The following LY9 variants were observed in gnomAD, a reference collection of about 807,000 sequenced individuals.
LY9 encodes T-lymphocyte surface antigen Ly-9.
A neutral mutation model predicts 64.6 loss-of-function variants in LY9; 59 were observed. The observed-to-expected ratio is 0.91, with a 90% CI of 0.74 to 1.13. The LOEUF is 1.13. Among genes scored for constraint, LY9 ranks in the 50% most tolerant of loss-of-function variants. LY9 has a pLI of 0.00. For synonymous variants in LY9, 281 were observed against 308.5 expected (o/e 0.91, Z 0.93); for missense variants, 789 against 797.2 (o/e 0.99, Z 0.12).
chr1:160,805,144 G>A (rs888995084), intron 2 of LY9, among the ~76,000 whole-genome samples: 1 of 151,650 alleles, frequency 6.6e-6, no homozygotes, highest in Non-Finnish European at 1.5e-5. Flanking sequence ...TACTAATTTT[G>A]GGCTTAGTTT....
At chr1:160,802,555 G>T (rs1353956508) in intron 2 of LY9, 4 of 985,494 alleles carry the variant, frequency 4.1e-6, no homozygotes, top group Non-Finnish European at 4.8e-6. Context: ...CCAAGAAATG[G>T]TTCAAATTGC....
rs925959742 is a variant in LY9 at position 160,828,027 on chromosome 1, G to A, written c.*211G>A. The A allele has an allele frequency of 7.6e-6, 3 of 393,722 alleles. No homozygotes were observed. In the South Asian group the frequency reaches 1.4e-4, roughly 18 times the overall value. 24.4% of individuals were successfully genotyped at this position (393,722 alleles called of 1,614,324 possible). ...ACACAGGCTCCTTCTTGGAGCCTAT[G>A]GGCTTCAGATGTCTTTGCCCCATTT... is the stretch of plus-strand genomic sequence containing the variant. On this transcript the variant is annotated 3_prime_UTR_variant, in exon 10 of 10. Coordinates refer to ENST00000263285, the MANE Select transcript of LY9 (RefSeq NM_002348.4).
chr1:160,825,454 C>T (rs921635189), intron 9 of LY9, among the ~76,000 whole-genome samples: 1 of 152,118 alleles, frequency 6.6e-6, no homozygotes, highest in Non-Finnish European at 1.5e-5. Flanking sequence ...TATTAAGAAC[C>T]ATGAGGCGTT....
At position 160,796,265 on chromosome 1, in the gene LY9, A is replaced by C; in HGVS notation, c.78A>C (p.Gln26His). The C allele has an allele frequency of 1.9e-6, 3 of 1,613,854 alleles. No homozygotes were observed. Residue 26 changes from glutamine (Q) to histidine (H), a missense_variant, in exon 1 of 10, where the codon CAA (glutamine) becomes CAC (histidine). Physicochemically the swap from Gln to His is conservative, Grantham distance 24. Transcript: ENST00000263285. ...FSSKPQRSQL[Q>H]IFSSVLQTSL... ...GTAAGCCACAGAGGAGTCAGCTGCA[A>C]ATATTCTCTTCTGTTCTACAGACCT...
chr1:160,822,451 A>G (rs551827), intron 7 of LY9, among the ~76,000 whole-genome samples: 81,273 of 152,068 alleles, frequency 0.53, 22,833 homozygotes, highest in East Asian at 0.7. Flanking sequence ...TCCTTTCAAT[A>G]CAGTGGCTGG....
intron 2 of LY9, chr1:160,809,930 A>C (rs1438090437): frequency 6.6e-6 from 1 of 152,180 alleles, no homozygotes; most frequent in Non-Finnish European, 1.5e-5. Flanking sequence ...CCCAGGCTGG[A>C]GTGCAGTGGT....
At chr1:160,824,677 T>C (rs906657777) in intron 9 of LY9, 1 of 981,534 alleles carries the variant, frequency 1.0e-6, no homozygotes, top group African/African-American at 1.8e-5. Context: ...TTAGTTTTAT[T>C]CTAGTGTTTA....
intron 2 of LY9, 136 bp downstream of exon 2, chr1:160,800,218 T>C: frequency 1.6e-6 from 1 of 643,470 alleles, no homozygotes. Flanking sequence ...GTCTGCTGCC[T>C]GAGTACAATA....
chr1:160,805,781 A>T lies in LY9; in HGVS notation c.454+5699A>T, dbSNP rs191647966. 6.6e-3 allele frequency among the ~76,000 whole-genome samples: 902 copies of T among 137,334 alleles called. 8 individuals carry two copies. Among genetic ancestry groups the T allele is most frequent in the African/African-American group, 0.024 (863 of 36,612 alleles). The allele number at this position is 137,334 out of a possible 152,430, so 90.1% of individuals were successfully genotyped here. On this transcript the variant is annotated intron_variant, in intron 2 of 9. Transcript: ENST00000263285. ...CACACACACACACACACACACACAC[A>T]CTCTTACTCTCACTCTCTCTCTGGT...
chr1:160,824,648 C>T, intron 9 of LY9: 1 of 982,534 alleles, frequency 1.0e-6, no homozygotes, highest in African/African-American at 1.7e-5. Flanking sequence ...TTGGAAAATA[C>T]ACCACCACCT....
chr1:160,801,441 A>G (rs537808954), intron 2 of LY9, among the ~76,000 whole-genome samples: 59 of 152,248 alleles, frequency 3.9e-4, no homozygotes, highest in African/African-American at 1.3e-3. Flanking sequence ...AGTTCCTTGT[A>G]TGTTCTGGAT....
At chr1:160,804,751 G>A (rs1041785035) in intron 2 of LY9, among the ~76,000 whole-genome samples, 9 of 152,096 alleles carry the variant, frequency 5.9e-5, no homozygotes, top group Non-Finnish European at 1.0e-4. Context: ...TTTTATTACA[G>A]ATTAATTTCA....
chr1:160,800,371 TCTG>T lies in LY9; in HGVS notation c.454+292_454+294del, dbSNP rs1387440441. The T allele has an allele frequency of 1.0e-4, 32 of 315,790 alleles. No homozygotes were observed. In the East Asian group the frequency reaches 1.9e-3, roughly 19 times the overall value. 19.6% of individuals were successfully genotyped at this position (315,790 alleles called of 1,614,324 possible). On this transcript the variant is annotated intron_variant, in intron 2 of 9. Transcript: ENST00000263285. ...CTCCCCACACTCACCCTTCTCAGTC[TCTG>T]CTATCTATCTTTCCACCATCCACTT...
intron 7 of LY9, among the ~76,000 whole-genome samples, chr1:160,822,356 C>T (rs757549168): frequency 2.0e-5 from 3 of 152,124 alleles, no homozygotes; most frequent in Non-Finnish European, 4.4e-5. Flanking sequence ...ATGACGTTTA[C>T]GTAGTGCCTG....
chr1:160,824,109 T>C, intron 8 of LY9, 72 bp from the exon 9 acceptor site: 1 of 1,592,750 alleles, frequency 6.3e-7, no homozygotes, highest in East Asian at 2.2e-5. Context: ...TCCCCTCTCC[T>C]CAAGGGTTGA....
intron 2 of LY9, chr1:160,801,885 G>T (rs749818774): frequency 1.8e-5 from 29 of 1,614,030 alleles, no homozygotes; most frequent in Middle Eastern, 1.7e-4. Context: ...CAGCACCCTG[G>T]CTGAGCCACG....
At chr1:160,797,886 C>T (rs972379904) in intron 1 of LY9, among the ~76,000 whole-genome samples, 2 of 144,274 alleles carry the variant, frequency 1.4e-5, no homozygotes, top group African/African-American at 5.2e-5. Context: ...CACACACACA[C>T]ACACGTATAG....
Position 160,819,356 on chromosome 1 carries a change from GCCCCAGC to G in LY9, c.1481_1487del (p.Ala494GlyfsTer246). 6.2e-7 allele frequency: 1 copy of G among 1,613,582 alleles called. No homozygotes were observed. The highest frequency in any genetic ancestry group is 8.5e-7 in the Non-Finnish European group (1 of 1,179,668). On this transcript the variant is annotated frameshift_variant, in exon 7 of 10. Transcript: ENST00000263285. LOFTEE classifies it high-confidence loss of function. Reference sequence around the variant, plus strand: ...AGCCTTCTGTTCCAGCCAAGCTGAGGCCCCAGCGGATACACCAGGTAACATCACCCAT... The same window carrying G: ...AGCCTTCTGTTCCAGCCAAGCTGAGGGGATACACCAGGTAACATCACCCAT...
At chr1:160,804,044 A>G (rs1197706794) in intron 2 of LY9, among the ~76,000 whole-genome samples, 2 of 152,138 alleles carry the variant, frequency 1.3e-5, no homozygotes, top group Non-Finnish European at 2.9e-5. Context: ...AAGAGGAACA[A>G]TTTGTCTTTC....
Sources: allele counts gnomAD v4.1 joint callset (sites outside exome capture counted in the v4.1 genomes callset), GRCh38; gene constraint gnomAD v4.1.1; transcripts MANE v1.5; gene names NCBI Gene and HGNC (gene_info 2026-07-23, HGNC 2026-07-21).